The following PPP1R37 variants were observed in gnomAD, a reference collection of about 807,000 sequenced individuals.
PPP1R37 encodes leucine rich repeat containing 68.
Under a neutral mutation model 61.0 loss-of-function variants are expected in PPP1R37, and 21 were observed. The observed-to-expected ratio is 0.34, with a 90% CI of 0.24 to 0.50. PPP1R37 has a LOEUF of 0.50. Ranked by LOEUF, PPP1R37 falls within the 20% of genes least tolerant of loss-of-function variation. PPP1R37 has a pLI of 0.98. For synonymous variants in PPP1R37, 443 were observed against 433.5 expected (o/e 1.02, Z -0.27); for missense variants, 910 against 952.7 (o/e 0.96, Z 0.59).
intron 1 of PPP1R37, among the ~76,000 whole-genome samples, chr19:45,097,635 C>T (rs530202601): frequency 2.6e-5 from 4 of 151,970 alleles, no homozygotes; most frequent in African/African-American, 9.7e-5. Context: ...TCGAGCCTGC[C>T]CAGGCTTATC....
intron 1 of PPP1R37, among the ~76,000 whole-genome samples, chr19:45,101,032 C>T (rs1008830759): frequency 1.3e-5 from 2 of 152,208 alleles, no homozygotes; most frequent in African/African-American, 2.4e-5. Flanking sequence ...CCACGTGTTA[C>T]GAGTCAGGGC....
At chr19:45,095,835 G>A (rs1409376235) in intron 1 of PPP1R37, among the ~76,000 whole-genome samples, 2 of 152,014 alleles carry the variant, frequency 1.3e-5, no homozygotes, top group Admixed American at 6.6e-5. Context: ...AGGGATAGGT[G>A]GTTAGTTTGG....
At chr19:45,115,626 A>G (rs1383471787) in intron 1 of PPP1R37, among the ~76,000 whole-genome samples, 1 of 152,192 alleles carries the variant, frequency 6.6e-6, no homozygotes, top group Non-Finnish European at 1.5e-5. Context: ...TGTTGAAGAC[A>G]GTAAATGAGG....
intron 1 of PPP1R37, among the ~76,000 whole-genome samples, chr19:45,117,043 T>G (rs186118809): frequency 1.2e-3 from 180 of 151,830 alleles, no homozygotes; most frequent in Non-Finnish European, 2.2e-3. Flanking sequence ...CTCCCAAGTA[T>G]CTGGGACTAC....
intron 1 of PPP1R37, among the ~76,000 whole-genome samples, chr19:45,103,121 C>T (rs1184315663): frequency 6.6e-6 from 1 of 152,358 alleles, no homozygotes; most frequent in Admixed American, 6.5e-5. Flanking sequence ...CTCCATGGTG[C>T]CTGGCCCTCC....
At position 45,121,296 on chromosome 19, in the gene PPP1R37, A is replaced by G. The variant is rs935619929; in HGVS notation, c.203-17218A>G. 6.6e-6 allele frequency among the ~76,000 whole-genome samples: 1 copy of G among 151,990 alleles called. No homozygotes were observed. Among genetic ancestry groups the G allele is most frequent in the Non-Finnish European group, 1.5e-5 (1 of 67,994 alleles). ...AGCACAGACCTGCATTTACACTCAC[A>G]CTCTGGGATGAGGGACTTTCCTCCT... On this transcript the variant is annotated intron_variant, in intron 1 of 12. Transcript: ENST00000221462. The surrounding 1 kb of genome is among the most constrained non-coding windows in gnomAD (Gnocchi z 4.2).
intron 4 of PPP1R37, 200 bp downstream of exon 4, chr19:45,140,806 A>G (rs1423352167): frequency 1.7e-6 from 1 of 587,486 alleles, no homozygotes; most frequent in Non-Finnish European, 3.0e-6. Flanking sequence ...TGGGGCACCT[A>G]TGGCCCACCC....
rs369908240 is a variant in PPP1R37 at position 45,139,359 on chromosome 19, C to T, written c.300+748C>T. Among the ~76,000 whole-genome samples, 42 of 152,390 alleles carry T rather than the reference C, an allele frequency of 2.8e-4. No individual in the cohort carries two copies. The South Asian group carries it at 6.8e-3, about 25-fold the overall frequency. On this transcript the variant is annotated intron_variant, in intron 2 of 12. Coordinates refer to ENST00000221462, the MANE Select transcript of PPP1R37 (RefSeq NM_019121.2). ...TCGGGAACCCCCGTTGTTGGCCACT[C>T]GGCATTTCCTGGCCTTTTCTGTGCG... is the stretch of plus-strand genomic sequence containing the variant.
Position 45,138,502 on chromosome 19 carries a change from CT to C in PPP1R37, c.203-11del, listed in dbSNP as rs1968566575. Reference sequence around the variant, plus strand: ...GTGGACAGTCACAGGCCTGGGTCCCCTGTGCCTGCAGCCCAGAATGTGACCG... The same window carrying C: ...GTGGACAGTCACAGGCCTGGGTCCCCGTGCCTGCAGCCCAGAATGTGACCG... On this transcript the variant is annotated splice_polypyrimidine_tract_variant and intron_variant, in intron 1 of 12. Coordinates refer to ENST00000221462, the MANE Select transcript of PPP1R37 (RefSeq NM_019121.2). 1 of 1,534,010 alleles carries C rather than the reference CT, an allele frequency of 6.5e-7. No homozygotes were observed. Among genetic ancestry groups the C allele is most frequent in the Non-Finnish European group, 8.7e-7 (1 of 1,145,218 alleles).
At chr19:45,107,438 T>TA (rs1361452698) in intron 1 of PPP1R37, among the ~76,000 whole-genome samples, 2 of 151,642 alleles carry the variant, frequency 1.3e-5, no homozygotes, top group Non-Finnish European at 1.5e-5. Flanking sequence ...CCCATCTCTA[T>TA]AAAAAAATGT....
Position 45,145,887 on chromosome 19 carries a change from G to A in PPP1R37, c.1831G>A (p.Asp611Asn). The change falls in exon 11 of 13, where the codon GAC becomes AAC. Residue 611 changes from aspartate (D) to asparagine (N), a missense_variant. Physicochemically the swap from Asp to Asn is conservative, Grantham distance 23. Around this residue, in one of 3 missense-constraint regions of PPP1R37, gnomAD observed 549 missense variants for 505.1 expected, o/e 1.09. Transcript: ENST00000221462. ...SPSLPPAGAIDTRDTGSSEPQ... is the reference protein window; with the variant it reads ...SPSLPPAGAINTRDTGSSEPQ... Reference sequence around the variant, plus strand: ...TTCCCTACCACCAGCCGGGGCCATTGACACCCGGGACACAGGGTCCTCTGA... The same window carrying A: ...TTCCCTACCACCAGCCGGGGCCATTAACACCCGGGACACAGGGTCCTCTGA... 1 of 1,516,464 alleles carries A rather than the reference G, an allele frequency of 6.6e-7. No homozygotes were observed. The highest frequency in any genetic ancestry group is 8.8e-7 in the Non-Finnish European group (1 of 1,138,184). The allele number at this position is 1,516,464 out of a possible 1,614,324, so 93.9% of individuals were successfully genotyped here.
rs574766249 is a variant in PPP1R37 at position 45,104,798 on chromosome 19, G to T, written c.202+11271G>T. Among the ~76,000 whole-genome samples the T allele has an allele frequency of 7.9e-5, 12 of 152,130 alleles. No individual in the cohort carries two copies. The South Asian group carries it at 1.5e-3, about 18-fold the overall frequency. On this transcript the variant is annotated intron_variant, in intron 1 of 12. Transcript: ENST00000221462. Reference sequence around the variant, plus strand: ...GAGATCACCTTGCCATGCTCTTGCTGGGTTCAAGCCATCGTGGCTTCCTTT... The same window carrying T: ...GAGATCACCTTGCCATGCTCTTGCTTGGTTCAAGCCATCGTGGCTTCCTTT...
chr19:45,145,866 C>G lies in PPP1R37; in HGVS notation c.1810C>G (p.Leu604Val). ...TCCCTCCCCACCCGCCTCACCTTCC[C>G]TACCACCAGCCGGGGCCATTGACAC... Reference protein sequence around the residue: ...PPPSPPASPSLPPAGAIDTRD... With the variant: ...PPPSPPASPSVPPAGAIDTRD... Residue 604 changes from leucine (L) to valine (V), a missense_variant, in exon 11 of 13, where the codon CTA becomes GTA. Leu to Val is a conservative substitution (Grantham distance 32). Around this residue, in one of 3 missense-constraint regions of PPP1R37, gnomAD observed 549 missense variants for 505.1 expected, o/e 1.09. Transcript: ENST00000221462. 6.5e-7 allele frequency: 1 copy of G among 1,529,864 alleles called. No individual in the cohort carries two copies. Among genetic ancestry groups the G allele is most frequent in the Non-Finnish European group, 8.7e-7 (1 of 1,144,228 alleles). 94.8% of individuals were successfully genotyped at this position (1,529,864 alleles called of 1,614,324 possible). A position where few individuals can be genotyped will look rare whatever the true frequency, so the allele number is the denominator to read the frequency against.
chr19:45,106,425 G>T (rs985787592), intron 1 of PPP1R37, among the ~76,000 whole-genome samples: 1 of 151,834 alleles, frequency 6.6e-6, no homozygotes, highest in African/African-American at 2.4e-5. Context: ...TGTATTTTTA[G>T]TAGAGACAGG....
At chr19:45,101,572 G>T (rs1420026247) in intron 1 of PPP1R37, among the ~76,000 whole-genome samples, 1 of 152,212 alleles carries the variant, frequency 6.6e-6, no homozygotes, top group African/African-American at 2.4e-5. Flanking sequence ...ACAAAAATCA[G>T]CCGGGCATGG....
In PPP1R37 at chr19:45,140,373, G is replaced by A. The variant is rs1413468752; in HGVS notation, c.346+92G>A. 5.8e-6 allele frequency: 8 copies of A among 1,372,212 alleles called. 1 individual carries two copies. The highest frequency in any genetic ancestry group is 5.0e-5 in the East Asian group (2 of 39,844). The allele number at this position is 1,372,212 out of a possible 1,614,324, so 85.0% of individuals were successfully genotyped here. On this transcript the variant is annotated intron_variant, in intron 3 of 12. Coordinates refer to ENST00000221462, the MANE Select transcript of PPP1R37 (RefSeq NM_019121.2). Reference sequence around the variant, plus strand: ...GTCTGAGGACCTGCCTGGGGTTAGCGGCTTCTGGAGCTGAGCTCAGCCAGG... The same window carrying A: ...GTCTGAGGACCTGCCTGGGGTTAGCAGCTTCTGGAGCTGAGCTCAGCCAGG...
chr19:45,138,382 C>A, intron 1 of PPP1R37, 132 bp from the exon 2 acceptor site: 1 of 659,524 alleles, frequency 1.5e-6, no homozygotes, highest in Non-Finnish European at 2.6e-6. Context: ...GAGGACAGAG[C>A]TCAGGCAGCC....
At chr19:45,096,711 T>C (rs775506787) in intron 1 of PPP1R37, among the ~76,000 whole-genome samples, 6 of 151,874 alleles carry the variant, frequency 4.0e-5, no homozygotes, top group Non-Finnish European at 7.4e-5. Flanking sequence ...TGGGTAACAC[T>C]CTCCAGGCTG....
intron 1 of PPP1R37, among the ~76,000 whole-genome samples, chr19:45,103,676 A>G (rs1476266681): frequency 1.3e-5 from 2 of 152,176 alleles, no homozygotes; most frequent in African/African-American, 4.8e-5. Flanking sequence ...AGCGAGCCGC[A>G]GGGAAGTGAC....
Sources: allele counts gnomAD v4.1 joint callset (sites outside exome capture counted in the v4.1 genomes callset), GRCh38; gene constraint gnomAD v4.1.1; regional missense constraint gnomAD v4.1.1; non-coding constraint Gnocchi (gnomAD v3.1); transcripts MANE v1.5; gene names NCBI Gene and HGNC (gene_info 2026-07-23, HGNC 2026-07-21).